Variants in RNF19A observed in about 807,000 individuals in gnomAD.
RNF19A encodes E3 ubiquitin-protein ligase RNF19A.
Under a neutral mutation model 75.7 loss-of-function variants are expected in RNF19A, and 32 were observed. The ratio of observed to expected loss-of-function variants is 0.42; its 90% confidence interval spans 0.32 to 0.57. The LOEUF (loss-of-function observed/expected upper bound fraction) is 0.57, where lower values mean the gene tolerates loss of function less well. RNF19A is among the 20% of genes least tolerant of loss of function. The probability of loss-of-function intolerance (pLI) is 0.10; values close to 1 mark genes in which losing one functional copy is unlikely to be tolerated. For missense variants in RNF19A, 782 were observed against 1,036.3 expected (o/e 0.75, Z 3.37); for synonymous variants, 335 against 345.2 (o/e 0.97, Z 0.33).
intron 7 of RNF19A, among the ~76,000 whole-genome samples, chr8:100,263,645 C>T (rs914610979): frequency 2.0e-5 from 3 of 152,068 alleles, no homozygotes; most frequent in African/African-American, 7.2e-5. Context: ...AATCTTTGCT[C>T]GTTACTGTTC....
intron 1 of RNF19A, among the ~76,000 whole-genome samples, chr8:100,318,374 A>G (rs1822414568): frequency 6.6e-6 from 1 of 152,146 alleles, no homozygotes; most frequent in African/African-American, 2.4e-5. Flanking sequence ...CTCTGTTCCC[A>G]TTTCTTCACT....
rs1209368340 is a variant in RNF19A at position 100,287,629 on chromosome 8, C to T, written c.546G>A (p.Arg182=). ...TCAAGCGAATATCATGGGGATTAAA[C>T]CGTTCAGTACATTCTGGGCAACTAA... ...VNISCPECTE[R]FNPHDIRLIL... Residue 182 remains arginine (R), a synonymous_variant, in exon 2 of 10, where the codon CGG becomes CGA. Coordinates refer to ENST00000341084, the MANE Select transcript of RNF19A (RefSeq NM_183419.4). This position sits in a 1 kb window ranked among gnomAD's most constrained non-coding sequence, Gnocchi z 4.1. 4 of 1,613,992 alleles carry T rather than the reference C, an allele frequency of 2.5e-6. No individual in the cohort carries two copies. Among genetic ancestry groups the T allele is most frequent in the Non-Finnish European group, 3.4e-6 (4 of 1,180,002 alleles).
intron 1 of RNF19A, among the ~76,000 whole-genome samples, chr8:100,294,199 CTCTTG>C (rs757713837): frequency 1.6e-4 from 24 of 152,168 alleles, no homozygotes; most frequent in Non-Finnish European, 2.8e-4. Context: ...GCTCTGTAGT[CTCTTG>C]TCTTCTCCTG....
intron 5 of RNF19A, among the ~76,000 whole-genome samples, chr8:100,267,163 A>C (rs986889204): frequency 6.6e-6 from 1 of 152,224 alleles, no homozygotes; most frequent in African/African-American, 2.4e-5. Context: ...ATAGCTACTG[A>C]AACTTAATCA....
chr8:100,319,354 C>A (rs1177828504), intron 1 of RNF19A, among the ~76,000 whole-genome samples: 3 of 151,768 alleles, frequency 2.0e-5, no homozygotes, highest in African/African-American at 7.3e-5. Context: ...GTAATAAATT[C>A]ATGTAGACCC....
intron 2 of RNF19A, among the ~76,000 whole-genome samples, chr8:100,285,628 T>A (rs980900455): frequency 2.6e-5 from 4 of 152,070 alleles, no homozygotes; most frequent in African/African-American, 9.7e-5. Flanking sequence ...TCCTTTATCA[T>A]TGTCAGAATT....
intron 1 of RNF19A, among the ~76,000 whole-genome samples, chr8:100,295,323 C>T (rs144699385): frequency 6.6e-6 from 1 of 152,216 alleles, no homozygotes; most frequent in African/African-American, 2.4e-5. Context: ...TGACAGCACT[C>T]TATTTTTCGT....
chr8:100,288,129 G>C lies in RNF19A; in HGVS notation c.46C>G (p.Leu16Val), dbSNP rs1821117792. The change falls in exon 2 of 10, where the codon CTG (leucine) becomes GTG (valine). Residue 16 changes from leucine (L) to valine (V), a missense_variant. By Grantham distance (32) the Leu-to-Val change is conservative. Transcript: ENST00000341084. Reference protein sequence around the residue: ...IGFISKYNEGLCVNTDPVSIL... With the variant: ...IGFISKYNEGVCVNTDPVSIL... ...GAGACAGGGTCAGTGTTTACACACA[G>C]CCCTTCATTATATTTAGAGATAAAA... The C allele has an allele frequency of 5.6e-6, 9 of 1,612,712 alleles. No individual in the cohort carries two copies. Among genetic ancestry groups the C allele is most frequent in the Non-Finnish European group, 7.6e-6 (9 of 1,179,518 alleles).
intron 1 of RNF19A, among the ~76,000 whole-genome samples, chr8:100,308,712 A>G (rs900054472): frequency 6.6e-6 from 1 of 152,240 alleles, no homozygotes; most frequent in Non-Finnish European, 1.5e-5. Flanking sequence ...TGTGGAATGT[A>G]AAGATCACAA....
At chr8:100,302,068 A>G (rs1265214141) in intron 1 of RNF19A, among the ~76,000 whole-genome samples, 5 of 152,242 alleles carry the variant, frequency 3.3e-5, no homozygotes, top group Non-Finnish European at 1.5e-5. Context: ...ACTATCTGAG[A>G]TACATGAGAA....
intron 1 of RNF19A, among the ~76,000 whole-genome samples, chr8:100,295,402 T>C (rs1202661141): frequency 2.0e-5 from 3 of 152,192 alleles, no homozygotes; most frequent in African/African-American, 7.2e-5. Flanking sequence ...GAAATCACTA[T>C]TTATCTAACC....
rs185355523 is a variant in RNF19A at position 100,305,161 on chromosome 8, G to A, written c.-94+4706C>T. Among the ~76,000 whole-genome samples the A allele has an allele frequency of 8.7e-4, 132 of 152,182 alleles. 1 individual carries two copies. Among genetic ancestry groups the A allele is most frequent in the Non-Finnish European group, 1.5e-3 (100 of 68,008 alleles). On this transcript the variant is annotated intron_variant, in intron 1 of 9. Coordinates refer to ENST00000341084, the MANE Select transcript of RNF19A (RefSeq NM_183419.4). ...CATGTTGGTCAGGCTAGTCTTGCCCGACCTCAAATGATCTGCCTGCCTCAG... is the reference window on the plus strand; with the variant it reads ...CATGTTGGTCAGGCTAGTCTTGCCCAACCTCAAATGATCTGCCTGCCTCAG...
intron 2 of RNF19A, among the ~76,000 whole-genome samples, chr8:100,285,482 T>G (rs1820972864): frequency 6.6e-6 from 1 of 152,198 alleles, no homozygotes; most frequent in South Asian, 2.1e-4. Flanking sequence ...TAGTATTAAC[T>G]ATATATTATG....
chr8:100,275,108 C>T lies in RNF19A; in HGVS notation c.728G>A (p.Arg243Gln), dbSNP rs1368043025. ...CASCPKLTCG[R>Q]EGCGTEFCYH... The stretch of plus-strand genomic sequence containing the variant: ...GCAAAACTCTGTTCCACAGCCCTCT[C>T]GCCCACAAGTTAATTTTGGACAGCT... The change falls in exon 3 of 10, where the codon CGA becomes CAA. Residue 243 changes from arginine (R) to glutamine (Q), a missense_variant. Arg to Gln is a conservative substitution (Grantham distance 43). Transcript: ENST00000341084. The surrounding 1 kb of genome is among the most constrained non-coding windows in gnomAD (Gnocchi z 4.3). The T allele has an allele frequency of 1.9e-6, 3 of 1,613,972 alleles. No homozygotes were observed. Among genetic ancestry groups the T allele is most frequent in the Non-Finnish European group, 2.5e-6 (3 of 1,180,026 alleles).
At chr8:100,294,705 A>T (rs1821472478) in intron 1 of RNF19A, among the ~76,000 whole-genome samples, 1 of 152,126 alleles carries the variant, frequency 6.6e-6, no homozygotes, top group South Asian at 2.1e-4. Context: ...AACATCTTGC[A>T]GTTTTCCAAA....
upstream of RNF19A, chr8:100,310,038 C>T (rs1008762996): frequency 3.0e-6 from 3 of 985,350 alleles, no homozygotes; most frequent in African/African-American, 1.7e-5. Flanking sequence ...GCCGCTTTCC[C>T]GAACTCCTCC....
intron 1 of RNF19A, among the ~76,000 whole-genome samples, chr8:100,315,644 G>A (rs1291350641): frequency 2.0e-5 from 3 of 151,684 alleles, no homozygotes; most frequent in African/African-American, 4.8e-5. Flanking sequence ...TTTCTTCTTC[G>A]TCGTCTTGTT....
chr8:100,267,624 C>G (rs560880088), intron 5 of RNF19A, among the ~76,000 whole-genome samples: 32 of 152,126 alleles, frequency 2.1e-4, no homozygotes, highest in African/African-American at 7.2e-4. Flanking sequence ...TCTGCCTCAG[C>G]CTCCCAAAGT....
chr8:100,277,686 T>C (rs1820591973), intron 2 of RNF19A, among the ~76,000 whole-genome samples: 1 of 152,198 alleles, frequency 6.6e-6, no homozygotes, highest in African/African-American at 2.4e-5. Context: ...TAAAGGCAAT[T>C]TATAATCAGC....
Sources: gnomAD v4.1 joint callset for allele counts (sites outside exome capture counted in the v4.1 genomes callset) on GRCh38, gnomAD v4.1.1 for gene constraint, Gnocchi (gnomAD v3.1) non-coding constraint, MANE v1.5 for transcripts, NCBI Gene and HGNC (gene_info 2026-07-23, HGNC 2026-07-21) for gene names.